BLNK: variants seen among roughly 807,000 people sequenced by gnomAD.
BLNK encodes B-cell linker protein.
Under a neutral mutation model 73.5 loss-of-function variants are expected in BLNK, and 29 were observed. That is an observed-to-expected ratio of 0.39 (90% CI 0.29 to 0.54). BLNK has a LOEUF of 0.54. BLNK is among the 20% of genes least tolerant of loss of function. The pLI, the probability that BLNK is intolerant of heterozygous loss-of-function variation, is 0.61. For synonymous variants in BLNK, 176 were observed against 200.8 expected (o/e 0.88, Z 1.04); for missense variants, 460 against 562.8 (o/e 0.82, Z 1.85).
At position 96,221,673 on chromosome 10, in the gene BLNK, G is replaced by C. The variant is rs1030993555; in HGVS notation, c.525+2153C>G. Among the ~76,000 whole-genome samples, 9 of 152,252 alleles carry C rather than the reference G, an allele frequency of 5.9e-5. No individual in the cohort carries two copies. In the East Asian group the frequency reaches 1.7e-3, roughly 29 times the overall value. On this transcript the variant is annotated intron_variant, in intron 6 of 16. Coordinates refer to ENST00000224337, the MANE Select transcript of BLNK (RefSeq NM_013314.4). ...CTTACATAACCCACAGTATTCATCT[G>C]CATTCTATATCTGAATTTGTGTCTT...
chr10:96,207,981 T>A (rs1434893821), intron 9 of BLNK, 82 bp from the exon 10 acceptor site: 4 of 1,439,034 alleles, frequency 2.8e-6, no homozygotes, highest in Non-Finnish European at 3.9e-6. Context: ...AGTCTCAAAT[T>A]TAAGCTAGAA....
At position 96,191,435 on chromosome 10, in the gene BLNK, A is replaced by G. The variant is rs1210173757; in HGVS notation, c.*538T>C. Among the ~76,000 whole-genome samples the G allele has an allele frequency of 1.3e-5, 2 of 149,884 alleles. No individual in the cohort carries two copies. Among genetic ancestry groups the G allele is most frequent in the African/African-American group, 4.9e-5 (2 of 41,040 alleles). ...AAGAACTTATAGAAAGTTCATATCCATATATATATATATCCCATGGTTGAG... is the reference window on the plus strand; with the variant it reads ...AAGAACTTATAGAAAGTTCATATCCGTATATATATATATCCCATGGTTGAG... On this transcript the variant is annotated 3_prime_UTR_variant, in exon 17 of 17. Transcript: ENST00000224337.
At chr10:96,247,431 A>T (rs1843092108) in intron 1 of BLNK, among the ~76,000 whole-genome samples, 1 of 152,242 alleles carries the variant, frequency 6.6e-6, no homozygotes, top group South Asian at 2.1e-4. Flanking sequence ...AAATGGTAGT[A>T]GGTAGCATCT....
intron 3 of BLNK, 30 bp from the exon 4 acceptor site, chr10:96,230,864 C>A (rs1842475121): frequency 1.2e-6 from 2 of 1,607,986 alleles, no homozygotes; most frequent in East Asian, 4.5e-5. Flanking sequence ...GCAGAAGGCA[C>A]AAGTGTGAGC....
rs2083325257 is a variant in BLNK at position 96,191,274 on chromosome 10, G to T, written c.*699C>A. ...TTTTTTATGTAAATCACCCAGTCTTGAGTATGTCTTTATTAGCAGCGTGAT... is the reference window on the plus strand; with the variant it reads ...TTTTTTATGTAAATCACCCAGTCTTTAGTATGTCTTTATTAGCAGCGTGAT... On this transcript the variant is annotated 3_prime_UTR_variant, in exon 17 of 17. Coordinates refer to ENST00000224337, the MANE Select transcript of BLNK (RefSeq NM_013314.4). 7.6e-6 allele frequency among the ~76,000 whole-genome samples: 1 copy of T among 130,954 alleles called. No homozygotes were observed. The allele number at this position is 130,954 out of a possible 152,430, so 85.9% of individuals were successfully genotyped here.
chr10:96,263,005 G>A (rs1554913325), intron 1 of BLNK, among the ~76,000 whole-genome samples: 1 of 152,188 alleles, frequency 6.6e-6, no homozygotes, highest in Admixed American at 6.5e-5. Flanking sequence ...GGGCTGGAGA[G>A]GTGTCCTTTC....
chr10:96,195,152 C>A (rs1352056961), intron 16 of BLNK, among the ~76,000 whole-genome samples: 1 of 152,180 alleles, frequency 6.6e-6, no homozygotes, highest in Non-Finnish European at 1.5e-5. Flanking sequence ...CAACACAATT[C>A]AGAATATAAC....
intron 9 of BLNK, 114 bp downstream of exon 9, chr10:96,209,724 G>A (rs1166900262): frequency 2.7e-5 from 35 of 1,303,182 alleles, no homozygotes; most frequent in Non-Finnish European, 3.4e-5. Context: ...CTTACTCTTG[G>A]TCCAAGTTGC....
chr10:96,242,587 G>T, intron 3 of BLNK, 148 bp downstream of exon 3: 1 of 815,860 alleles, frequency 1.2e-6, no homozygotes. Context: ...TAGTCAAAAT[G>T]CCTAATAGAT....
intron 1 of BLNK, among the ~76,000 whole-genome samples, chr10:96,252,649 A>G (rs1554909515): frequency 1.3e-5 from 2 of 152,168 alleles, no homozygotes; most frequent in South Asian, 2.1e-4. Flanking sequence ...CTCTGCTTAT[A>G]TATTTTAATT....
chr10:96,253,843 A>G lies in BLNK; in HGVS notation c.48-6794T>C, dbSNP rs563595832. Among the ~76,000 whole-genome samples, 737 of 151,578 alleles carry G rather than the reference A, an allele frequency of 4.9e-3. 4 individuals are homozygous for G. Among genetic ancestry groups the G allele is most frequent in the Admixed American group, 8.9e-3 (136 of 15,250 alleles). On this transcript the variant is annotated intron_variant, in intron 1 of 16. Coordinates refer to ENST00000224337, the MANE Select transcript of BLNK (RefSeq NM_013314.4). ...ATCTTGGCTAACACGGTGAAACCCC[A>G]TCTCTACTAAAAATACAAAAAAAAA...
rs782591914 is a variant in BLNK, at chr10:96,204,587, C to T, written c.847G>A (p.Gly283Arg). The change falls in exon 12 of 17, where the codon GGG becomes AGG. Residue 283 changes from glycine to arginine, a missense_variant. This residue lies in a region of BLNK where 233 missense variants were observed against 232.1 expected (regional missense o/e 1.00). Transcript: ENST00000224337. Reference protein sequence around the residue: ...EKPIPAERHRGSSHRQEAVQS... With the variant: ...EKPIPAERHRRSSHRQEAVQS... ...ACAGCTTCTTGTCTGTGACTTGACC[C>T]TCGGTGGCGTTCAGCAGGTATAGGT... The T allele has an allele frequency of 5.0e-6, 8 of 1,613,936 alleles. No individual in the cohort carries two copies. The African/African-American group carries it at 1.1e-4, about 22-fold the overall frequency.
chr10:96,204,798 G>A, intron 11 of BLNK, 182 bp from the exon 12 acceptor site: 1 of 611,238 alleles, frequency 1.6e-6, no homozygotes, highest in East Asian at 3.1e-5. Flanking sequence ...GTGCTATGAG[G>A]ACCAGGACTC....
At chr10:96,201,565 A>G (rs2083635466) in intron 13 of BLNK, among the ~76,000 whole-genome samples, 1 of 152,246 alleles carries the variant, frequency 6.6e-6, no homozygotes, top group South Asian at 2.1e-4. Context: ...TTAAAATACT[A>G]GGTATCAATA....
intron 5 of BLNK, among the ~76,000 whole-genome samples, chr10:96,225,916 A>AT (rs1842239328): frequency 6.6e-6 from 1 of 152,144 alleles, no homozygotes; most frequent in Non-Finnish European, 1.5e-5. Context: ...AAGTGCTGGG[A>AT]TTACAGGTGT....
chr10:96,197,167 G>T, intron 15 of BLNK, 104 bp from the exon 16 acceptor site: 1 of 837,592 alleles, frequency 1.2e-6, no homozygotes, highest in Non-Finnish European at 1.8e-6. Flanking sequence ...CATTCCAAAG[G>T]TAAATTATTT....
chr10:96,214,150 G>A (rs1259847267), intron 8 of BLNK, among the ~76,000 whole-genome samples: 4 of 152,232 alleles, frequency 2.6e-5, no homozygotes, highest in Non-Finnish European at 5.9e-5. Flanking sequence ...GTGTGTGTGT[G>A]TGTGCACACG....
intron 11 of BLNK, 137 bp from the exon 12 acceptor site, chr10:96,204,753 T>C: frequency 1.3e-6 from 1 of 755,744 alleles, no homozygotes; most frequent in South Asian, 1.5e-5. Flanking sequence ...TGAGATGTCA[T>C]GGATCTGTGC....
At chr10:96,199,033 A>G (rs587674225) in intron 15 of BLNK, among the ~76,000 whole-genome samples, 1 of 152,332 alleles carries the variant, frequency 6.6e-6, no homozygotes, top group Non-Finnish European at 1.5e-5. Flanking sequence ...GAACTCAGGG[A>G]ATAATGTAAA....
Sources: gnomAD v4.1 joint callset for allele counts (sites outside exome capture counted in the v4.1 genomes callset) on GRCh38, gnomAD v4.1.1 for gene constraint, gnomAD v4.1.1 regional missense constraint, MANE v1.5 for transcripts, NCBI Gene and HGNC (gene_info 2026-07-23, HGNC 2026-07-21) for gene names.